PRMT8: variants seen among roughly 807,000 people sequenced by gnomAD.
The protein encoded by PRMT8 is protein arginine N-methyltransferase 8.
PRMT8 carries 7 observed loss-of-function variants against 47.1 expected under a neutral mutation model. The ratio of observed to expected loss-of-function variants is 0.15; its 90% confidence interval spans 0.08 to 0.28. PRMT8 has a LOEUF of 0.28. Among genes scored for constraint, PRMT8 ranks in the 10% least tolerant of loss-of-function variants. PRMT8 has a pLI of 1.00. For synonymous variants in PRMT8, 188 were observed against 186.5 expected (o/e 1.01, Z -0.07); for missense variants, 237 against 505.4 (o/e 0.47, Z 5.09).
At position 3,393,563 on chromosome 12, in the gene PRMT8, A is replaced by G. The variant is rs533384024; in HGVS notation, c.48+12121A>G. Reference sequence around the variant, plus strand: ...ATTTCTGAGGGCTCTGTTCTGTTCCATTGGTCTATATCTCTGTTTTGGTAC... The same window carrying G: ...ATTTCTGAGGGCTCTGTTCTGTTCCGTTGGTCTATATCTCTGTTTTGGTAC... On this transcript the variant is annotated intron_variant, in intron 1 of 9. Transcript: ENST00000452611. Among the ~76,000 whole-genome samples the G allele has an allele frequency of 2.6e-5, 4 of 152,002 alleles. No homozygotes were observed. In the South Asian group the frequency reaches 8.3e-4, roughly 32 times the overall value.
Position 3,568,724 on chromosome 12 carries a change from G to A in PRMT8, c.500G>A (p.Gly167Asp), listed in dbSNP as rs1203557284. The A allele has an allele frequency of 6.2e-7, 1 of 1,614,150 alleles. No homozygotes were observed. Among genetic ancestry groups the A allele is most frequent in the Non-Finnish European group, 8.5e-7 (1 of 1,180,036 alleles). ...HLDNIITIFK[G>D]KVEEVELPVE... ...TTTCCAGTCATCACCATATTTAAGGGTAAAGTGGAAGAGGTGGAGCTGCCT... is the reference window on the plus strand; with the variant it reads ...TTTCCAGTCATCACCATATTTAAGGATAAAGTGGAAGAGGTGGAGCTGCCT... The change falls in exon 5 of 10, where the codon GGT (glycine) becomes GAT (aspartate). Residue 167 changes from glycine to aspartate, a missense_variant. Gly to Asp is a moderately conservative substitution (Grantham distance 94, BLOSUM62 -1). Coordinates refer to ENST00000382622, the MANE Select transcript of PRMT8 (RefSeq NM_019854.5).
chr12:3,544,699 G>C (rs1866297531), intron 2 of PRMT8, among the ~76,000 whole-genome samples: 1 of 152,194 alleles, frequency 6.6e-6, no homozygotes, highest in South Asian at 2.1e-4. Flanking sequence ...TGTTCCGGCA[G>C]GATGTCGTCA....
chr12:3,390,240 T>C (rs941152409), intron 1 of PRMT8, among the ~76,000 whole-genome samples: 1 of 152,240 alleles, frequency 6.6e-6, no homozygotes, highest in Non-Finnish European at 1.5e-5. Flanking sequence ...CTGAATCTTA[T>C]TCTGCACAAG....
At chr12:3,543,908 C>A (rs1038155802) in intron 2 of PRMT8, among the ~76,000 whole-genome samples, 9 of 152,170 alleles carry the variant, frequency 5.9e-5, no homozygotes, top group Admixed American at 5.9e-4. Flanking sequence ...GAAATCTCAG[C>A]GTCTCTAACA....
At position 3,564,271 on chromosome 12, in the gene PRMT8, G is replaced by C. The variant is rs545721290; in HGVS notation, c.482-4435G>C. Among the ~76,000 whole-genome samples, 81 of 152,214 alleles carry C rather than the reference G, an allele frequency of 5.3e-4. No individual in the cohort carries two copies. Among genetic ancestry groups the C allele is most frequent in the African/African-American group, 1.9e-3 (78 of 41,514 alleles). On this transcript the variant is annotated intron_variant, in intron 4 of 9. Coordinates refer to ENST00000382622, the MANE Select transcript of PRMT8 (RefSeq NM_019854.5). This position sits in a 1 kb window ranked among gnomAD's most constrained non-coding sequence, Gnocchi z 4.0. ...GTGACCCTCATGCCTCCTCTTGTGT[G>C]GCACAGGACCTGCTCTCTGAAAGAG...
rs148132732 is a variant in PRMT8, at chr12:3,559,235, G to A, written c.481+5521G>A. Among the ~76,000 whole-genome samples, 25 of 152,184 alleles carry A rather than the reference G, an allele frequency of 1.6e-4. No homozygotes were observed. In the East Asian group the frequency reaches 3.7e-3, roughly 22 times the overall value. ...GGCTTCTGTATCCCTTTGAAATGCC[G>A]TTTTCCCTTTTCCCGAGCCTTCTTA... is the stretch of plus-strand genomic sequence containing the variant. On this transcript the variant is annotated intron_variant, in intron 4 of 9. Coordinates refer to ENST00000382622, the MANE Select transcript of PRMT8 (RefSeq NM_019854.5).
chr12:3,425,546 T>C (rs1864595269), intron 1 of PRMT8, among the ~76,000 whole-genome samples: 1 of 152,260 alleles, frequency 6.6e-6, no homozygotes, highest in Admixed American at 6.5e-5. Flanking sequence ...GTCTTTTAAC[T>C]CATGAAAAGC....
At chr12:3,421,500 G>A (rs1476815669) in intron 1 of PRMT8, among the ~76,000 whole-genome samples, 2 of 152,156 alleles carry the variant, frequency 1.3e-5, no homozygotes, top group African/African-American at 4.8e-5. Context: ...GGACCGGTGG[G>A]AGACTGGGCT....
At chr12:3,441,584 G>A (rs1474827136) in intron 1 of PRMT8, among the ~76,000 whole-genome samples, 4 of 152,328 alleles carry the variant, frequency 2.6e-5, no homozygotes, top group South Asian at 4.1e-4. Flanking sequence ...AGGGTGCTCC[G>A]TGCTCCACAT....
upstream of PRMT8, among the ~76,000 whole-genome samples, chr12:3,490,634 C>T (rs1301298457): frequency 1.4e-5 from 2 of 147,104 alleles, no homozygotes; most frequent in Admixed American, 7.1e-5. Context: ...CCCTCCCTCT[C>T]AGCCTGAAAG....
intron 1 of PRMT8, among the ~76,000 whole-genome samples, chr12:3,506,340 G>A (rs192121573): frequency 1.8e-4 from 28 of 152,310 alleles, no homozygotes; most frequent in Admixed American, 1.8e-3. Context: ...TATATGAAAG[G>A]AGAACAGATA....
intron 1 of PRMT8, among the ~76,000 whole-genome samples, chr12:3,455,221 G>A (rs1357693923): frequency 6.6e-6 from 1 of 152,182 alleles, no homozygotes; most frequent in African/African-American, 2.4e-5. Flanking sequence ...TGTGTAACTG[G>A]TCTGCTCCTG....
intron 1 of PRMT8, among the ~76,000 whole-genome samples, chr12:3,391,376 A>G (rs1864191341): frequency 6.6e-6 from 1 of 152,208 alleles, no homozygotes; most frequent in South Asian, 2.1e-4. Flanking sequence ...GTGGCATTTG[A>G]CAAAAGGCTA....
intron 1 of PRMT8, among the ~76,000 whole-genome samples, chr12:3,517,373 T>A (rs1310776055): frequency 6.6e-6 from 1 of 152,132 alleles, no homozygotes; most frequent in Non-Finnish European, 1.5e-5. Flanking sequence ...ACATCCCACT[T>A]GATTTATGTG....
Position 3,456,484 on chromosome 12 carries a change from G to A in PRMT8, c.48+75042G>A, listed in dbSNP as rs1378364048. ...CAAGCAAAACTCCTCTCCCAGGTGGGAGGGCAGGACCCACGAGCACACATT... is the reference window on the plus strand; with the variant it reads ...CAAGCAAAACTCCTCTCCCAGGTGGAAGGGCAGGACCCACGAGCACACATT... On this transcript the variant is annotated intron_variant, in intron 1 of 9. Transcript: ENST00000452611. This position sits in a 1 kb window ranked among gnomAD's most constrained non-coding sequence, Gnocchi z 4.2. Among the ~76,000 whole-genome samples, 4 of 152,308 alleles carry A rather than the reference G, an allele frequency of 2.6e-5. No homozygotes were observed. The highest frequency in any genetic ancestry group is 7.2e-5 in the African/African-American group (3 of 41,554).
intron 1 of PRMT8, among the ~76,000 whole-genome samples, chr12:3,469,500 A>C (rs1187442607): frequency 6.6e-6 from 1 of 152,190 alleles, no homozygotes; most frequent in Non-Finnish European, 1.5e-5. Context: ...TTCCATTTCC[A>C]TGAAAATGTG....
chr12:3,404,103 T>C (rs1864349222), intron 1 of PRMT8, among the ~76,000 whole-genome samples: 1 of 152,088 alleles, frequency 6.6e-6, no homozygotes, highest in Non-Finnish European at 1.5e-5. Flanking sequence ...TTTTAAGAAA[T>C]GAAATGTTGT....
chr12:3,521,951 G>GA (rs1865886486), intron 1 of PRMT8, among the ~76,000 whole-genome samples: 1 of 152,116 alleles, frequency 6.6e-6, no homozygotes, highest in African/African-American at 2.4e-5. Context: ...AGCACTAAGG[G>GA]GAATTACGGA....
intron 1 of PRMT8, among the ~76,000 whole-genome samples, chr12:3,458,637 C>T (rs1478362455): frequency 1.3e-5 from 2 of 152,246 alleles, no homozygotes; most frequent in East Asian, 3.8e-4. Context: ...GTATATCTGT[C>T]CTGTTCCACT....
Sources: gnomAD v4.1 joint callset for allele counts (sites outside exome capture counted in the v4.1 genomes callset) on GRCh38, gnomAD v4.1.1 for gene constraint, Gnocchi (gnomAD v3.1) non-coding constraint, MANE v1.5 for transcripts, NCBI Gene and HGNC (gene_info 2026-07-23, HGNC 2026-07-21) for gene names.